Variants in CNOT11 observed in about 807,000 individuals in gnomAD.
CNOT11 encodes the protein CCR4-NOT transcription complex subunit 11, also known as UPF0760 protein C2orf29.
CNOT11 carries 18 observed loss-of-function variants against 44.6 expected under a neutral mutation model. That is an observed-to-expected ratio of 0.40 (90% CI 0.28 to 0.60). CNOT11 has a LOEUF of 0.60. Among genes scored for constraint, CNOT11 ranks in the 20% least tolerant of loss-of-function variants. The pLI, the probability that CNOT11 is intolerant of heterozygous loss-of-function variation, is 0.38. For synonymous variants in CNOT11, 291 were observed against 270.9 expected, an observed-to-expected ratio of 1.07 and a Z score of -0.73; for missense variants, 513 against 677.0, an observed-to-expected ratio of 0.76 and a Z score of 2.69.
At chr2:101,257,747 T>A in intron 1 of CNOT11, 44 bp from the exon 2 acceptor site, 2 of 1,536,702 alleles carry the variant, frequency 1.3e-6, no homozygotes, top group Non-Finnish European at 8.9e-7. Context: ...AGTTGATTTT[T>A]AAAAGTAACC....
intron 1 of CNOT11, among the ~76,000 whole-genome samples, chr2:101,255,490 G>A (rs1015044446): frequency 2.1e-5 from 3 of 143,222 alleles, no homozygotes; most frequent in Admixed American, 7.1e-5. Context: ...GCGGGACTCC[G>A]TCTCAAAAAA....
At chr2:101,266,278 T>C (rs1034976182) in intron 4 of CNOT11, among the ~76,000 whole-genome samples, 2 of 152,102 alleles carry the variant, frequency 1.3e-5, no homozygotes, top group African/African-American at 2.4e-5. Context: ...GGGGCAGGAC[T>C]GTTTCTTGGG....
rs866637223 is a variant in CNOT11 at position 101,259,953 on chromosome 2, A to C, written c.679+1998A>C. 8.5e-5 allele frequency among the ~76,000 whole-genome samples: 13 copies of C among 152,282 alleles called. 1 individual carries two copies. Among genetic ancestry groups the C allele is most frequent in the Admixed American group, 5.9e-4 (9 of 15,296 alleles). Reference sequence around the variant, plus strand: ...GGTCCCGGCTACCCAGGAGGCTGACATAAGAGGATCACTTGATCCTGAGAG... The same window carrying C: ...GGTCCCGGCTACCCAGGAGGCTGACCTAAGAGGATCACTTGATCCTGAGAG... On this transcript the variant is annotated intron_variant, in intron 2 of 6. Transcript: ENST00000289382.
chr2:101,263,501 G>A lies in CNOT11; in HGVS notation c.832+810G>A, dbSNP rs1196134604. Among the ~76,000 whole-genome samples the A allele has an allele frequency of 2.6e-5, 4 of 152,148 alleles. No individual in the cohort carries two copies. In the East Asian group the frequency reaches 7.7e-4, roughly 29 times the overall value. ...AGGCTCAGGGGATCCTCCTACCTCA[G>A]ACTCCCACATAGTTGGAATTACAGG... On this transcript the variant is annotated intron_variant, in intron 3 of 6. Transcript: ENST00000289382.
chr2:101,267,529 G>T (rs1573204353), intron 5 of CNOT11, among the ~76,000 whole-genome samples: 1 of 152,190 alleles, frequency 6.6e-6, no homozygotes, highest in Admixed American at 6.5e-5. Context: ...GGAAAAATAT[G>T]GACCTTAAGA....
chr2:101,269,193 CATT>C lies in CNOT11; in HGVS notation c.1336-22_1336-20del. On this transcript the variant is annotated intron_variant, in intron 6 of 6. Coordinates refer to ENST00000289382, the MANE Select transcript of CNOT11 (RefSeq NM_017546.5). The surrounding 1 kb of genome is among the most constrained non-coding windows in gnomAD (Gnocchi z 4.8). The stretch of plus-strand genomic sequence containing the variant: ...GCTGCCAGGAAAATGAGCAGACTAA[CATT>C]TTTTTTTTTCCTTTTTCAGAATCGG... 6.3e-7 allele frequency: 1 copy of C among 1,595,264 alleles called. No homozygotes were observed. Among genetic ancestry groups the C allele is most frequent in the Non-Finnish European group, 8.6e-7 (1 of 1,166,560 alleles).
chr2:101,261,006 A>C (rs1042228485), intron 2 of CNOT11, among the ~76,000 whole-genome samples: 1 of 152,024 alleles, frequency 6.6e-6, no homozygotes, highest in African/African-American at 2.4e-5. Context: ...CCATTTTTCC[A>C]TTGGGTTGAT....
In CNOT11 at chr2:101,252,957, C is replaced by G; in HGVS notation, c.-8C>G. ...CGGGCCGGGAAGAGGGGAAGGGGAG[C>G]GAGGTTGATGCCCGGCGGAGGGGCG... is the stretch of plus-strand genomic sequence containing the variant. On this transcript the variant is annotated 5_prime_UTR_variant, in exon 1 of 7. Transcript: ENST00000289382. 1 of 1,460,828 alleles carries G rather than the reference C, an allele frequency of 6.8e-7. No individual in the cohort carries two copies. The highest frequency in any genetic ancestry group is 9.0e-7 in the Non-Finnish European group (1 of 1,115,328). 90.5% of individuals were successfully genotyped at this position (1,460,828 alleles called of 1,614,324 possible). A position where few individuals can be genotyped will look rare whatever the true frequency, so the allele number is the denominator to read the frequency against.
At position 101,253,866 on chromosome 2, in the gene CNOT11, G is replaced by A. The variant is rs138743666; in HGVS notation, c.514+388G>A. ...GTTTTTAGTCTCAAAGGAGTACGTGGAAGTCAGTATTAAGAAGCTGAAGAA... is the reference window on the plus strand; with the variant it reads ...GTTTTTAGTCTCAAAGGAGTACGTGAAAGTCAGTATTAAGAAGCTGAAGAA... On this transcript the variant is annotated intron_variant, in intron 1 of 6. Coordinates refer to ENST00000289382, the MANE Select transcript of CNOT11 (RefSeq NM_017546.5). The surrounding 1 kb of genome is among the most constrained non-coding windows in gnomAD (Gnocchi z 4.3). Among the ~76,000 whole-genome samples, 1,526 of 152,294 alleles carry A rather than the reference G, an allele frequency of 0.01. 10 individuals are homozygous for A. Among genetic ancestry groups the A allele is most frequent in the Admixed American group, 0.018 (277 of 15,296 alleles).
rs750601203 is a variant in CNOT11 at position 101,257,819 on chromosome 2, A to G, written c.543A>G (p.Glu181=). The G allele has an allele frequency of 3.1e-6, 5 of 1,613,700 alleles. No individual in the cohort carries two copies. The highest frequency in any genetic ancestry group is 4.2e-6 in the Non-Finnish European group (5 of 1,179,890). Residue 181 remains glutamate, a synonymous_variant, in exon 2 of 7, where the codon GAA becomes GAG. Transcript: ENST00000289382. ...SGFLPPITPP[E]KFFLSQLMLA... is the part of the protein sequence containing the mutation. ...TTTTACCTCCTATAACTCCACCAGA[A>G]AAGTTTTTTCTTTCCCAGCTGATGC... is the stretch of plus-strand genomic sequence containing the variant.
At position 101,253,127 on chromosome 2, in the gene CNOT11, G is replaced by T. The variant is rs1463370351; in HGVS notation, c.163G>T (p.Gly55Trp). The change falls in exon 1 of 7, where the codon GGG (glycine) becomes TGG (tryptophan). Residue 55 changes from glycine to tryptophan, a missense_variant. This residue lies in a region of CNOT11 where 259 missense variants were observed against 265.7 expected (regional missense o/e 0.97). Transcript: ENST00000289382. This position sits in a 1 kb window ranked among gnomAD's most constrained non-coding sequence, Gnocchi z 4.3. ...CCCCGGGTCCGGGAGCGGAGGCCCG[G>T]GGGGCCCCGCGGGCAGGATGAGCTT... ...SGPGSGSGGP[G>W]GPAGRMSLTP... The T allele has an allele frequency of 6.5e-7, 1 of 1,543,468 alleles. No homozygotes were observed.
At position 101,269,121 on chromosome 2, in the gene CNOT11, G is replaced by A. The variant is rs1174507449; in HGVS notation, c.1320G>A (p.Lys440=). ...SNCISTCEQI[K]DKYMQNRLVR... ...GCATCTCTACTTGTGAACAGATTAAGGATAAATATATGCAGGTAATATAAA... is the reference window on the plus strand; with the variant it reads ...GCATCTCTACTTGTGAACAGATTAAAGATAAATATATGCAGGTAATATAAA... Residue 440 remains lysine, a synonymous_variant, in exon 6 of 7, where the codon AAG becomes AAA. Coordinates refer to ENST00000289382, the MANE Select transcript of CNOT11 (RefSeq NM_017546.5). This position sits in a 1 kb window ranked among gnomAD's most constrained non-coding sequence, Gnocchi z 4.8. The A allele has an allele frequency of 6.2e-7, 1 of 1,604,434 alleles. No individual in the cohort carries two copies. Among genetic ancestry groups the A allele is most frequent in the Non-Finnish European group, 8.5e-7 (1 of 1,173,234 alleles).
intron 1 of CNOT11, among the ~76,000 whole-genome samples, chr2:101,254,521 C>T (rs954157852): frequency 6.6e-6 from 1 of 152,150 alleles, no homozygotes; most frequent in Non-Finnish European, 1.5e-5. Flanking sequence ...GGTACAGGTA[C>T]TTAACCTGCT....
rs375009229 is a variant in CNOT11, at chr2:101,254,422, G to A, written c.514+944G>A. Among the ~76,000 whole-genome samples, 32 of 152,198 alleles carry A rather than the reference G, an allele frequency of 2.1e-4. 1 individual carries two copies. The East Asian group carries it at 4.8e-3, about 23-fold the overall frequency. On this transcript the variant is annotated intron_variant, in intron 1 of 6. Transcript: ENST00000289382. Reference sequence around the variant, plus strand: ...CGCGTTTCTAGTTAGTGTTCCTGCCGGGCATCCCATCAGGATCTTCTGATA... The same window carrying A: ...CGCGTTTCTAGTTAGTGTTCCTGCCAGGCATCCCATCAGGATCTTCTGATA...
Position 101,262,485 on chromosome 2 carries a change from G to T in CNOT11, c.680-54G>T, listed in dbSNP as rs1681887200. The T allele has an allele frequency of 1.5e-5, 23 of 1,556,078 alleles. 1 individual carries two copies. In the South Asian group the frequency reaches 2.6e-4, roughly 17 times the overall value. ...GATAGCTTGCCTCAGTTGGTAGCTT[G>T]TCTTTTCTCTCTCCTCATGATGTCC... On this transcript the variant is annotated intron_variant, in intron 2 of 6. Transcript: ENST00000289382.
At chr2:101,264,821 C>G in intron 3 of CNOT11, 24 bp from the exon 4 acceptor site, 1 of 1,595,446 alleles carries the variant, frequency 6.3e-7, no homozygotes, top group South Asian at 1.1e-5. Flanking sequence ...CTGATAGGAG[C>G]AACTATCACG....
In CNOT11 at chr2:101,253,604, G is replaced by A; in HGVS notation, c.514+126G>A. On this transcript the variant is annotated intron_variant, in intron 1 of 6. Coordinates refer to ENST00000289382, the MANE Select transcript of CNOT11 (RefSeq NM_017546.5). This position sits in a 1 kb window ranked among gnomAD's most constrained non-coding sequence, Gnocchi z 4.3. Reference sequence around the variant, plus strand: ...TGTGAAATGATCATCCTCTTTTTCCGCCTCTCTCTGCGTTCCCACGCCCCT... The same window carrying A: ...TGTGAAATGATCATCCTCTTTTTCCACCTCTCTCTGCGTTCCCACGCCCCT... The A allele has an allele frequency of 1.1e-6, 1 of 937,980 alleles. No individual in the cohort carries two copies. Among genetic ancestry groups the A allele is most frequent in the Non-Finnish European group, 1.5e-6 (1 of 666,070 alleles). The allele number at this position is 937,980 out of a possible 1,614,324, so 58.1% of individuals were successfully genotyped here. A position where few individuals can be genotyped will look rare whatever the true frequency, so the allele number is the denominator to read the frequency against.
intron 5 of CNOT11, 59 bp from the exon 6 acceptor site, chr2:101,268,979 AAC>A (rs1478926356): frequency 4.7e-6 from 5 of 1,069,254 alleles, no homozygotes; most frequent in African/African-American, 1.6e-5. Context: ...TTTTATGGTT[AAC>A]AGTGTTTCTC....
intron 2 of CNOT11, among the ~76,000 whole-genome samples, chr2:101,260,546 C>T (rs543792877): frequency 1.3e-5 from 2 of 152,234 alleles, no homozygotes; most frequent in African/African-American, 4.8e-5. Flanking sequence ...GCAAGCATGC[C>T]TCCACTCTGG....
Sources: allele counts gnomAD v4.1 joint callset (sites outside exome capture counted in the v4.1 genomes callset), GRCh38; gene constraint gnomAD v4.1.1; regional missense constraint gnomAD v4.1.1; non-coding constraint Gnocchi (gnomAD v3.1); transcripts MANE v1.5; gene names NCBI Gene and HGNC (gene_info 2026-07-23, HGNC 2026-07-21).